Variants in PHYHIPL observed in about 807,000 individuals in gnomAD.
PHYHIPL encodes phytanoyl-CoA 2-hydroxylase interacting protein like.
A neutral mutation model predicts 33.4 loss-of-function variants in PHYHIPL; 9 were observed. The ratio of observed to expected loss-of-function variants is 0.27; its 90% CI spans 0.16 to 0.47. The LOEUF is 0.47. PHYHIPL is among the 20% of genes least tolerant of loss of function. PHYHIPL has a pLI of 0.99. For missense variants in PHYHIPL, 365 were observed against 460.7 expected, an observed-to-expected ratio of 0.79 and a Z score of 1.90; for synonymous variants, 153 against 154.1, an observed-to-expected ratio of 0.99 and a Z score of 0.05.
rs1353029379 is a variant in PHYHIPL at position 59,245,297 on chromosome 10, T to C, written c.837T>C (p.His279=). Residue 279 remains histidine, a synonymous_variant, in exon 5 of 5, where the codon CAT becomes CAC. Coordinates refer to ENST00000373880, the MANE Select transcript of PHYHIPL (RefSeq NM_032439.4). ...TCTACTGTATGTACACTGCTTATCA[T>C]TATGTGATTCTTGTTATTGCTCCTG... is the stretch of plus-strand genomic sequence containing the variant. ...GDFYCMYTAY[H]YVILVIAPVG... is the part of the protein sequence containing the mutation. 8.7e-6 allele frequency: 14 copies of C among 1,614,060 alleles called. No homozygotes were observed.
chr10:59,212,845 TAGTCACCCC>T (rs1466976983), intron 1 of PHYHIPL, among the ~76,000 whole-genome samples: 8 of 152,316 alleles, frequency 5.3e-5, no homozygotes, highest in African/African-American at 1.7e-4. Flanking sequence ...TAACTAATGA[TAGTCACCCC>T]AGTCACCCCA....
chr10:59,236,809 T>C (rs1055208554), intron 3 of PHYHIPL, 152 bp downstream of exon 3: 1 of 581,286 alleles, frequency 1.7e-6, no homozygotes, highest in East Asian at 3.4e-5. Flanking sequence ...GAATAAACAA[T>C]GTTGTATTGA....
chr10:59,192,678 G>T (rs1589263169), intron 1 of PHYHIPL, among the ~76,000 whole-genome samples: 1 of 152,104 alleles, frequency 6.6e-6, no homozygotes, highest in Non-Finnish European at 1.5e-5. Context: ...AAAATTAGGG[G>T]TGGAATTAAA....
intron 2 of PHYHIPL, among the ~76,000 whole-genome samples, chr10:59,234,883 ATG>A (rs1305150562): frequency 3.3e-5 from 5 of 151,834 alleles, no homozygotes; most frequent in Non-Finnish European, 5.9e-5. Flanking sequence ...GGAAGTCCTG[ATG>A]GGAGGGGTGA....
chr10:59,178,626 A>C (rs1838319688), intron 1 of PHYHIPL, among the ~76,000 whole-genome samples: 1 of 152,116 alleles, frequency 6.6e-6, no homozygotes. Flanking sequence ...TACTCAATGG[A>C]ATTAGGCATT....
intron 1 of PHYHIPL, among the ~76,000 whole-genome samples, chr10:59,210,718 C>T (rs1019440176): frequency 4.6e-5 from 7 of 152,038 alleles, no homozygotes; most frequent in African/African-American, 1.4e-4. Context: ...AAATGTGGCA[C>T]ATACACCATG....
At chr10:59,194,624 TTC>T (rs1838862074) in intron 1 of PHYHIPL, among the ~76,000 whole-genome samples, 1 of 152,192 alleles carries the variant, frequency 6.6e-6, no homozygotes, top group African/African-American at 2.4e-5. Flanking sequence ...TGCAATAGTG[TTC>T]TCTGTCAGTT....
chr10:59,192,721 G>A (rs1327033623), intron 1 of PHYHIPL, among the ~76,000 whole-genome samples: 1 of 152,092 alleles, frequency 6.6e-6, no homozygotes, highest in Middle Eastern at 3.2e-3. Context: ...TGTTAACTTT[G>A]TGATCAAACT....
rs188765856 is a variant in PHYHIPL, at chr10:59,214,364, G to T, written c.107-19940G>T. Among the ~76,000 whole-genome samples the T allele has an allele frequency of 8.7e-4, 132 of 152,090 alleles. 3 individuals carry two copies. The highest frequency in any genetic ancestry group is 1.3e-3 in the Non-Finnish European group (91 of 67,946). On this transcript the variant is annotated intron_variant, in intron 1 of 4. Coordinates refer to ENST00000373880, the MANE Select transcript of PHYHIPL (RefSeq NM_032439.4). The stretch of plus-strand genomic sequence containing the variant: ...GTAAAATGAAACAATGTATCTGTTT[G>T]GTGACATCATCACACAAAAAAGAAG...
upstream of PHYHIPL, among the ~76,000 whole-genome samples, chr10:59,176,076 G>A (rs577317812): frequency 6.6e-6 from 1 of 152,262 alleles, no homozygotes; most frequent in East Asian, 1.9e-4. Flanking sequence ...CACGCCTCAG[G>A]TAATCCGCTC....
chr10:59,183,673 A>T (rs1838477585), intron 1 of PHYHIPL: 11 of 985,128 alleles, frequency 1.1e-5, no homozygotes, highest in Non-Finnish European at 1.3e-5. Flanking sequence ...TGCTCAACAG[A>T]TGTGAGTTGA....
intron 1 of PHYHIPL, among the ~76,000 whole-genome samples, chr10:59,218,879 TGTAGCA>T (rs1449507181): frequency 6.6e-6 from 1 of 152,060 alleles, no homozygotes; most frequent in Non-Finnish European, 1.5e-5. Context: ...CATATTACAA[TGTAGCA>T]GTATGGATTT....
intron 1 of PHYHIPL, chr10:59,183,632 A>C (rs1283652253): frequency 1.0e-6 from 1 of 984,380 alleles, no homozygotes; most frequent in Non-Finnish European, 1.2e-6. Flanking sequence ...GGTTTGTTAC[A>C]AATGTAACTA....
intron 1 of PHYHIPL, among the ~76,000 whole-genome samples, chr10:59,207,640 C>T (rs1839323852): frequency 6.6e-6 from 1 of 152,154 alleles, no homozygotes; most frequent in African/African-American, 2.4e-5. Flanking sequence ...ACCTGTAATC[C>T]CAGCACTTTG....
chr10:59,197,645 ATCT>A (rs754737373), intron 1 of PHYHIPL, among the ~76,000 whole-genome samples: 2 of 151,918 alleles, frequency 1.3e-5, no homozygotes, highest in Non-Finnish European at 2.9e-5. Context: ...ATTTATAACC[ATCT>A]TCTTCTATTC....
chr10:59,189,239 CTTA>C (rs896900719), intron 1 of PHYHIPL, among the ~76,000 whole-genome samples: 17 of 151,814 alleles, frequency 1.1e-4, no homozygotes, highest in Admixed American at 7.9e-4. Flanking sequence ...CAGTCTGAAA[CTTA>C]TTAAGAACAT....
chr10:59,199,616 A>G (rs1839036346), intron 1 of PHYHIPL, among the ~76,000 whole-genome samples: 1 of 152,188 alleles, frequency 6.6e-6, no homozygotes, highest in Non-Finnish European at 1.5e-5. Context: ...GCTTGATGGA[A>G]ATGGCATTGA....
intron 4 of PHYHIPL, among the ~76,000 whole-genome samples, chr10:59,242,211 C>A (rs78919491): frequency 0.017 from 2,615 of 152,226 alleles, 40 homozygotes; most frequent in Middle Eastern, 0.051. Context: ...GTGTGTGAAG[C>A]CACATGTCAA....
At chr10:59,177,377 G>T in intron 1 of PHYHIPL, 2 of 1,204,692 alleles carry the variant, frequency 1.7e-6, no homozygotes, top group Non-Finnish European at 2.3e-6. Flanking sequence ...ACACTAGTTG[G>T]CATTCTCTTC....
Sources: gnomAD v4.1 joint callset for allele counts (sites outside exome capture counted in the v4.1 genomes callset) on GRCh38, gnomAD v4.1.1 for gene constraint, MANE v1.5 for transcripts, NCBI Gene and HGNC (gene_info 2026-07-23, HGNC 2026-07-21) for gene names.